The following PDCD1LG2 variants were observed in gnomAD, a reference collection of about 807,000 sequenced individuals.
PDCD1LG2 encodes the protein programmed cell death 1 ligand 2.
A neutral mutation model predicts 28.2 loss-of-function variants in PDCD1LG2; 32 were observed. That is an observed-to-expected ratio of 1.13 (90% CI 0.86 to 1.52). The LOEUF (loss-of-function observed/expected upper bound fraction) is 1.52, where lower values mean the gene tolerates loss of function less well. Among genes scored for constraint, PDCD1LG2 ranks in the 40% most tolerant of loss-of-function variants. PDCD1LG2 has a pLI of 0.00. For missense variants in PDCD1LG2, 385 were observed against 323.8 expected (o/e 1.19, Z -1.45); for synonymous variants, 116 against 120.2 (o/e 0.97, Z 0.23).
intron 3 of PDCD1LG2, among the ~76,000 whole-genome samples, chr9:5,544,271 G>A (rs1201121800): frequency 6.6e-6 from 1 of 152,186 alleles, no homozygotes; most frequent in Non-Finnish European, 1.5e-5. Context: ...AGCAATAGCA[G>A]AAAGCTGCTC....
chr9:5,555,686 C>T (rs1254793955), intron 4 of PDCD1LG2, among the ~76,000 whole-genome samples: 1 of 152,142 alleles, frequency 6.6e-6, no homozygotes, highest in East Asian at 1.9e-4. Context: ...GATGTTGTCC[C>T]TATAAAATTG....
At chr9:5,542,220 T>C (rs1052108894) in intron 3 of PDCD1LG2, among the ~76,000 whole-genome samples, 4 of 152,140 alleles carry the variant, frequency 2.6e-5, no homozygotes, top group Non-Finnish European at 5.9e-5. Flanking sequence ...CCTGAAACCA[T>C]AACGATTCTA....
At chr9:5,557,551 T>C in intron 4 of PDCD1LG2, 67 bp from the exon 5 acceptor site, 1 of 1,567,884 alleles carries the variant, frequency 6.4e-7, no homozygotes, top group Non-Finnish European at 8.8e-7. Flanking sequence ...CCCACTCATG[T>C]GGCCAGCCTG....
intron 3 of PDCD1LG2, 31 bp from the exon 4 acceptor site, chr9:5,549,304 G>C (rs1219284069): frequency 6.3e-7 from 1 of 1,579,398 alleles, no homozygotes; most frequent in African/African-American, 1.4e-5. Flanking sequence ...AGAAAATAAA[G>C]TCTTATTTCT....
At chr9:5,514,034 G>A (rs900538353) in intron 1 of PDCD1LG2, among the ~76,000 whole-genome samples, 8 of 152,220 alleles carry the variant, frequency 5.3e-5, no homozygotes, top group African/African-American at 1.9e-4. Context: ...GACACTGGGA[G>A]AGGGAAGAGG....
chr9:5,529,982 C>T (rs148953177), intron 2 of PDCD1LG2, among the ~76,000 whole-genome samples: 1 of 151,874 alleles, frequency 6.6e-6, no homozygotes, highest in Non-Finnish European at 1.5e-5. Context: ...AGCACCCCCC[C>T]ACCCCACCCT....
chr9:5,554,093 G>T (rs1284540706), intron 4 of PDCD1LG2, among the ~76,000 whole-genome samples: 2 of 152,116 alleles, frequency 1.3e-5, no homozygotes, highest in Non-Finnish European at 2.9e-5. Context: ...CTACTACCTG[G>T]ACCATTTGTT....
At chr9:5,559,825 G>A (rs1816524289) in intron 5 of PDCD1LG2, among the ~76,000 whole-genome samples, 1 of 152,158 alleles carries the variant, frequency 6.6e-6, no homozygotes, top group South Asian at 2.1e-4. Flanking sequence ...ACGAGCCCAG[G>A]ATGGTTTGAC....
chr9:5,522,197 G>A (rs998358638), intron 1 of PDCD1LG2, among the ~76,000 whole-genome samples: 2 of 152,194 alleles, frequency 1.3e-5, no homozygotes, highest in Non-Finnish European at 2.9e-5. Context: ...GGGTTCAAGG[G>A]CCAGCTATTG....
chr9:5,538,556 C>T (rs529681096), intron 3 of PDCD1LG2, among the ~76,000 whole-genome samples: 6 of 152,124 alleles, frequency 3.9e-5, no homozygotes, highest in Middle Eastern at 3.4e-3. Flanking sequence ...GGCGCGGTGG[C>T]GGGCGCCTGT....
intron 5 of PDCD1LG2, among the ~76,000 whole-genome samples, chr9:5,558,994 TC>T (rs1643642476): frequency 6.6e-6 from 1 of 152,232 alleles, no homozygotes; most frequent in Non-Finnish European, 1.5e-5. Context: ...TGTCTTATCT[TC>T]TGCCATTCTT....
At chr9:5,515,135 T>C (rs1283781478) in intron 1 of PDCD1LG2, among the ~76,000 whole-genome samples, 1 of 152,252 alleles carries the variant, frequency 6.6e-6, no homozygotes, top group African/African-American at 2.4e-5. Flanking sequence ...TTCTGTTCAC[T>C]ACCTGTGGTT....
At chr9:5,541,672 G>T (rs141140072) in intron 3 of PDCD1LG2, among the ~76,000 whole-genome samples, 164 of 152,218 alleles carry the variant, frequency 1.1e-3, no homozygotes, top group African/African-American at 3.7e-3. Context: ...AATCACAGAT[G>T]ACACAAACAA....
Position 5,522,566 on chromosome 9 carries a change from T to C in PDCD1LG2, c.20T>C (p.Met7Thr), listed in dbSNP as rs139799003. ...CAGAACATGATCTTCCTCCTGCTAA[T>C]GTTGAGCCTGGAATTGCAGCTTCAC... MIFLLLMLSLELQLHQI... is the reference protein window; with the variant it reads MIFLLLTLSLELQLHQI... Residue 7 changes from methionine to threonine, a missense_variant, in exon 2 of 7, where the codon ATG (methionine) becomes ACG (threonine). Physicochemically the swap from Met to Thr is moderately conservative, Grantham distance 81 (BLOSUM62 -1). Coordinates refer to ENST00000397747, the MANE Select transcript of PDCD1LG2 (RefSeq NM_025239.4). 40 of 1,613,676 alleles carry C rather than the reference T, an allele frequency of 2.5e-5. No homozygotes were observed. The highest frequency in any genetic ancestry group is 6.7e-5 in the African/African-American group (5 of 74,912).
chr9:5,526,051 A>AAG (rs1820372795), intron 2 of PDCD1LG2, among the ~76,000 whole-genome samples: 1 of 151,668 alleles, frequency 6.6e-6, no homozygotes. Flanking sequence ...CGTCTCAAAA[A>AAG]AAAAAAAAAA....
At chr9:5,534,670 C>G (rs2129790829) in intron 2 of PDCD1LG2, 75 bp from the exon 3 acceptor site, 2 of 1,377,896 alleles carry the variant, frequency 1.5e-6, no homozygotes, top group African/African-American at 1.4e-5. Context: ...TGAGATGGGT[C>G]TCAGGTTACA....
intron 3 of PDCD1LG2, among the ~76,000 whole-genome samples, chr9:5,540,791 A>C (rs1167637935): frequency 1.3e-5 from 2 of 152,224 alleles, no homozygotes; most frequent in Non-Finnish European, 2.9e-5. Context: ...CATTCAAAGA[A>C]GAATTGGTAC....
intron 3 of PDCD1LG2, among the ~76,000 whole-genome samples, chr9:5,544,928 A>G (rs1234740163): frequency 3.3e-5 from 5 of 152,236 alleles, no homozygotes; most frequent in African/African-American, 1.2e-4. Flanking sequence ...TGTGTTACAT[A>G]TCCTTTTTAA....
chr9:5,533,350 C>A (rs1011741634), intron 2 of PDCD1LG2, among the ~76,000 whole-genome samples: 1 of 152,210 alleles, frequency 6.6e-6, no homozygotes, highest in Non-Finnish European at 1.5e-5. Context: ...TTTTATAGAA[C>A]TATTTAGATC....
Sources: gnomAD v4.1 joint callset for allele counts (sites outside exome capture counted in the v4.1 genomes callset) on GRCh38, gnomAD v4.1.1 for gene constraint, MANE v1.5 for transcripts, NCBI Gene and HGNC (gene_info 2026-07-23, HGNC 2026-07-21) for gene names.